The following CCDC180 variants were observed in gnomAD, a reference collection of about 807,000 sequenced individuals.
The protein encoded by CCDC180 is coiled-coil domain-containing protein 180.
In CCDC180, 154 loss-of-function variants were observed where a neutral mutation model predicts 209.2. That is an observed-to-expected ratio of 0.74 (90% CI 0.65 to 0.84). CCDC180 has a LOEUF of 0.84. Ranked by LOEUF, CCDC180 falls within the 40% of genes least tolerant of loss-of-function variation. CCDC180 has a pLI of 0.00. For missense variants in CCDC180, 1,874 were observed against 1,997.3 expected (o/e 0.94, Z 1.18); for synonymous variants, 778 against 749.1 (o/e 1.04, Z -0.63).
rs574970742 is a variant in CCDC180, at chr9:97,340,903, C to T, written c.2275-2437C>T. Among the ~76,000 whole-genome samples, 8 of 152,320 alleles carry T rather than the reference C, an allele frequency of 5.3e-5. No homozygotes were observed. The East Asian group carries it at 1.2e-3, about 22-fold the overall frequency. ...GCCCACAGTTATCCGGAGGCCTAACCGTCTCCCTGTGATGCTGTGCTTCAG... is the reference window on the plus strand; with the variant it reads ...GCCCACAGTTATCCGGAGGCCTAACTGTCTCCCTGTGATGCTGTGCTTCAG... On this transcript the variant is annotated intron_variant, in intron 18 of 36. Transcript: ENST00000529487.
chr9:97,370,823 T>C, intron 33 of CCDC180, 45 bp downstream of exon 33: 1 of 1,600,578 alleles, frequency 6.2e-7, no homozygotes, highest in Non-Finnish European at 8.5e-7. Context: ...GCTCCAAATA[T>C]AGCCCGATGG....
At position 97,370,096 on chromosome 9, in the gene CCDC180, G is replaced by T; in HGVS notation, c.4350+14G>T. ...GAGAAAAGAAAGGTGAGGGCCCCAGGACCAGCCCTTCCACTCTAGGACCAG... is the reference window on the plus strand; with the variant it reads ...GAGAAAAGAAAGGTGAGGGCCCCAGTACCAGCCCTTCCACTCTAGGACCAG... On this transcript the variant is annotated intron_variant, in intron 32 of 36. Transcript: ENST00000529487. The T allele has an allele frequency of 1.9e-6, 3 of 1,612,078 alleles. No homozygotes were observed. Among genetic ancestry groups the T allele is most frequent in the South Asian group, 2.2e-5 (2 of 90,806 alleles).
rs1177385346 is a variant in CCDC180 at position 97,361,847 on chromosome 9, G to C, written c.3605G>C (p.Gly1202Ala). ...TCCTTCACCCAGCTGAGCCGCGTGGGGAAGCCCCTGATTGAGGACCCAGCT... is the reference window on the plus strand; with the variant it reads ...TCCTTCACCCAGCTGAGCCGCGTGGCGAAGCCCCTGATTGAGGACCCAGCT... Reference protein sequence around the residue: ...PESFTQLSRVGKPLIEDPAVD... With the variant: ...PESFTQLSRVAKPLIEDPAVD... The change falls in exon 27 of 37, where the codon GGG (glycine) becomes GCG (alanine). Residue 1202 changes from glycine (G) to alanine (A), a missense_variant. Gly to Ala is a moderately conservative substitution (Grantham distance 60). Coordinates refer to ENST00000529487, the MANE Select transcript of CCDC180 (RefSeq NM_020893.6). The C allele has an allele frequency of 1.2e-6, 2 of 1,614,038 alleles. No homozygotes were observed. The highest frequency in any genetic ancestry group is 2.7e-5 in the African/African-American group (2 of 74,908).
chr9:97,312,262 AGGTGGG>A, intron 4 of CCDC180, 61 bp downstream of exon 4: 1 of 1,450,502 alleles, frequency 6.9e-7, no homozygotes, highest in Non-Finnish European at 9.6e-7. Context: ...CCTGGGCAGG[AGGTGGG>A]GACGTCTCCT....
Position 97,328,085 on chromosome 9 carries a change from A to G in CCDC180, c.1727A>G (p.Glu576Gly), listed in dbSNP as rs1564154518. 1 of 1,614,114 alleles carries G rather than the reference A, an allele frequency of 6.2e-7. No homozygotes were observed. Among genetic ancestry groups the G allele is most frequent in the Non-Finnish European group, 8.5e-7 (1 of 1,179,976 alleles). ...VMEYPAIMLK[E>G]LNSYSSALSQ... is the part of the protein sequence containing the mutation. ...GAGTACCCAGCGATCATGCTGAAAG[A>G]ACTCAACTCCTACAGCTCTGCCCTC... Residue 576 changes from glutamate (E) to glycine (G), a missense_variant, in exon 16 of 37, where the codon GAA becomes GGA. Transcript: ENST00000529487.
chr9:97,312,950 T>A (rs1833039396), intron 4 of CCDC180, among the ~76,000 whole-genome samples: 1 of 77,562 alleles, frequency 1.3e-5, no homozygotes, highest in African/African-American at 6.1e-5. Flanking sequence ...TTGGCAGTTA[T>A]CATTTCTATA....
chr9:97,325,152 G>A lies in CCDC180; in HGVS notation c.1505G>A (p.Arg502Lys), dbSNP rs1414719217. Residue 502 changes from arginine to lysine, a missense_variant, in exon 14 of 37, where the codon AGG becomes AAG. Coordinates refer to ENST00000529487, the MANE Select transcript of CCDC180 (RefSeq NM_020893.6). ...GTGCAGGAGCTGGAGCTGGAGAAGA[G>A]GATGGAGCAGCACCGGCAGAAGCAC... ...LLVQELELEK[R>K]MEQHRQKHSL... The A allele has an allele frequency of 2.5e-6, 4 of 1,609,798 alleles. No homozygotes were observed. Among genetic ancestry groups the A allele is most frequent in the Non-Finnish European group, 3.4e-6 (4 of 1,178,184 alleles).
intron 34 of CCDC180, chr9:97,373,460 C>G (rs1447112640): frequency 2.0e-5 from 3 of 152,238 alleles, no homozygotes; most frequent in Non-Finnish European, 2.9e-5. Flanking sequence ...TCCTGCCAGG[C>G]CTTTCCCTTT....
chr9:97,316,862 C>T (rs1833189730), intron 8 of CCDC180, among the ~76,000 whole-genome samples: 1 of 152,180 alleles, frequency 6.6e-6, no homozygotes, highest in Non-Finnish European at 1.5e-5. Flanking sequence ...AAGGAAGACC[C>T]TTGTCCATGG....
rs1433438121 is a variant in CCDC180, at chr9:97,349,203, C to G, written c.2767C>G (p.Gln923Glu). The G allele has an allele frequency of 6.5e-7, 1 of 1,536,508 alleles. No homozygotes were observed. The change falls in exon 21 of 37, where the codon CAA becomes GAA. Residue 923 changes from glutamine (Q) to glutamate (E), a missense_variant. Transcript: ENST00000529487. ...KKKRLMFCQFQEEQNVRSKNF... is the reference protein window; with the variant it reads ...KKKRLMFCQFEEEQNVRSKNF... ...GAAGCGGCTGATGTTCTGCCAGTTC[C>G]AAGAAGAGCAAAACGTGAGGAGCAA... is the stretch of plus-strand genomic sequence containing the variant.
At chr9:97,356,089 G>T (rs1360776767) in intron 24 of CCDC180, among the ~76,000 whole-genome samples, 1 of 152,152 alleles carries the variant, frequency 6.6e-6, no homozygotes, top group Non-Finnish European at 1.5e-5. Context: ...GGCTGATGGG[G>T]AGAGAATCAT....
chr9:97,321,934 A>C (rs1294983165), intron 11 of CCDC180, among the ~76,000 whole-genome samples: 1 of 152,184 alleles, frequency 6.6e-6, no homozygotes, highest in Non-Finnish European at 1.5e-5. Context: ...GGAGGCTGGA[A>C]GATGCAAAGC....
At chr9:97,343,613 A>G (rs1006939940) in intron 19 of CCDC180, 50 bp downstream of exon 19, 4 of 1,368,740 alleles carry the variant, frequency 2.9e-6, no homozygotes, top group Admixed American at 4.0e-5. Context: ...AGTTTTGTAA[A>G]CAAGGTGAAA....
At chr9:97,342,573 C>G (rs746351939) in intron 18 of CCDC180, among the ~76,000 whole-genome samples, 1 of 152,214 alleles carries the variant, frequency 6.6e-6, no homozygotes, top group Non-Finnish European at 1.5e-5. Flanking sequence ...GCTACTGCAC[C>G]CAGCCACAGC....
intron 19 of CCDC180, among the ~76,000 whole-genome samples, chr9:97,346,988 T>G (rs905110578): frequency 3.9e-5 from 6 of 152,242 alleles, no homozygotes; most frequent in African/African-American, 1.4e-4. Flanking sequence ...ATAGGAACAT[T>G]GCTGATAAGA....
intron 28 of CCDC180, chr9:97,363,618 T>C (rs776626182): frequency 1.9e-6 from 1 of 535,002 alleles, no homozygotes; most frequent in Non-Finnish European, 3.8e-6. Flanking sequence ...ATGTCCCAAA[T>C]ACTGCATGTG....
chr9:97,369,424 G>T (rs1476381377), intron 31 of CCDC180: 3 of 23,264 alleles, frequency 1.3e-4, no homozygotes, highest in South Asian at 2.0e-3. Context: ...TTTATTTTAT[G>T]TTATGTTATG....
At chr9:97,353,262 G>T (rs980416780) in intron 22 of CCDC180, among the ~76,000 whole-genome samples, 2 of 152,174 alleles carry the variant, frequency 1.3e-5, no homozygotes, top group African/African-American at 4.8e-5. Flanking sequence ...CTCCCAAAGT[G>T]CTGGGATTAC....
intron 26 of CCDC180, among the ~76,000 whole-genome samples, chr9:97,360,565 A>T (rs10448274): frequency 0.55 from 83,172 of 151,890 alleles, 24,213 homozygotes; most frequent in African/African-American, 0.73. Context: ...GAGGCTGGTC[A>T]GACCATGTCA....
Sources: allele counts gnomAD v4.1 joint callset (sites outside exome capture counted in the v4.1 genomes callset), GRCh38; gene constraint gnomAD v4.1.1; transcripts MANE v1.5; gene names NCBI Gene and HGNC (gene_info 2026-07-23, HGNC 2026-07-21).